The following ECE2 variants were observed in gnomAD, a reference collection of about 807,000 sequenced individuals.
ECE2 encodes endothelin converting enzyme 2.
Under a neutral mutation model 100.6 loss-of-function variants are expected in ECE2, and 81 were observed. That is an observed-to-expected ratio of 0.81 (90% confidence interval 0.67 to 0.97). The LOEUF (loss-of-function observed/expected upper bound fraction) is 0.97. Among genes scored for constraint, ECE2 ranks in the 50% least tolerant of loss-of-function variants. The pLI is 0.00. For missense variants in ECE2, 911 were observed against 988.1 expected (o/e 0.92, Z 1.05); for synonymous variants, 391 against 391.5 (o/e 1.00, Z 0.02).
intron 10 of ECE2, among the ~76,000 whole-genome samples, chr3:184,286,734 T>A (rs1186308872): frequency 4.1e-5 from 6 of 147,562 alleles, no homozygotes; most frequent in Non-Finnish European, 1.5e-5. Flanking sequence ...AACCTGGAGG[T>A]TGCAGTGACC....
chr3:184,282,325 A>C (rs980176307), intron 7 of ECE2, among the ~76,000 whole-genome samples: 5 of 152,146 alleles, frequency 3.3e-5, no homozygotes, highest in African/African-American at 1.2e-4. Flanking sequence ...AGGAATTTGA[A>C]ATACACAGAA....
chr3:184,276,102 G>A lies in ECE2; in HGVS notation c.-52G>A. 7.9e-7 allele frequency: 1 copy of A among 1,272,240 alleles called. No homozygotes were observed. The highest frequency in any genetic ancestry group is 2.8e-5 in the South Asian group (1 of 35,278). The allele number at this position is 1,272,240 out of a possible 1,614,324, so 78.8% of individuals were successfully genotyped here. The stretch of plus-strand genomic sequence containing the variant: ...GGCAGGGGACCGGGGCCGCGGCCCG[G>A]GAGCGGGCCAGCTGCCGGGAGCCCT... On this transcript the variant is annotated 5_prime_UTR_variant, in exon 1 of 19. Transcript: ENST00000404464.
chr3:184,288,515 T>C, intron 11 of ECE2, among the ~76,000 whole-genome samples: 1 of 151,550 alleles, frequency 6.6e-6, no homozygotes, highest in African/African-American at 2.4e-5. Flanking sequence ...CCTGTAAGGA[T>C]GTTTATGGTT....
At chr3:184,284,099 C>T in intron 8 of ECE2, 126 bp downstream of exon 8, 1 of 1,201,344 alleles carries the variant, frequency 8.3e-7, no homozygotes, top group African/African-American at 1.5e-5. Flanking sequence ...TTTCTGTGCT[C>T]CCCAGCTGCA....
In ECE2 at chr3:184,276,152, C is replaced by T; in HGVS notation, c.-2C>T. On this transcript the variant is annotated 5_prime_UTR_variant, in exon 1 of 19. Coordinates refer to ENST00000404464, the MANE Select transcript of ECE2 (RefSeq NM_001100121.2). The stretch of plus-strand genomic sequence containing the variant: ...TGAATCACCGCCTGGCCCGACTCCA[C>T]CATGAACGTCGCGCTGCAGGAGCTG... 7.0e-7 allele frequency: 1 copy of T among 1,428,380 alleles called. No homozygotes were observed. The highest frequency in any genetic ancestry group is 9.1e-7 in the Non-Finnish European group (1 of 1,097,244). 88.5% of individuals were successfully genotyped at this position (1,428,380 alleles called of 1,614,324 possible).
rs1437878319 is a variant in ECE2, at chr3:184,290,570, C to T, written c.1669C>T (p.Pro557Ser). 2 of 1,614,056 alleles carry T rather than the reference C, an allele frequency of 1.2e-6. No homozygotes were observed. The highest frequency in any genetic ancestry group is 1.7e-6 in the Non-Finnish European group (2 of 1,180,030). Reference protein sequence around the residue: ...PPSRDQWSMTPQTVNAYYLPT... With the variant: ...PPSRDQWSMTSQTVNAYYLPT... ...TTCCTCCGCCAGGTGGAGCATGACC[C>T]CCCAGACAGTGAATGCCTACTACCT... Residue 557 changes from proline (P) to serine (S), a missense_variant, in exon 15 of 19, where the codon CCC becomes TCC. Physicochemically the swap from Pro to Ser is moderately conservative, Grantham distance 74. Coordinates refer to ENST00000404464, the MANE Select transcript of ECE2 (RefSeq NM_001100121.2).
chr3:184,283,637 C>A (rs991141383), intron 7 of ECE2, 148 bp from the exon 8 acceptor site: 2 of 580,964 alleles, frequency 3.4e-6, no homozygotes, highest in Admixed American at 3.2e-5. Flanking sequence ...TGGAGGTAAG[C>A]AGTGTGTCAG....
chr3:184,283,874 G>A lies in ECE2; in HGVS notation c.906G>A (p.Val302=). 2 of 1,614,030 alleles carry A rather than the reference G, an allele frequency of 1.2e-6. No individual in the cohort carries two copies. The highest frequency in any genetic ancestry group is 1.7e-6 in the Non-Finnish European group (2 of 1,180,018). ...CCACGAGGGAGCAGATGCAGCAGGT[G>A]CTGGAGTTGGAGATACAGCTGGCCA... The part of the protein sequence containing the change: ...PTSTREQMQQ[V]LELEIQLANI... The change falls in exon 8 of 19, where the codon GTG becomes GTA. Residue 302 remains valine, a synonymous_variant. Transcript: ENST00000404464.
chr3:184,291,044 C>G lies in ECE2; in HGVS notation c.1839C>G (p.Arg613=), dbSNP rs200245984. ...GCAAAGGTGAGTTCTCCTCAGGGCG[C>G]GAGTATGACAAAGAAGGGAACCTGC... ...ELTHAFDDQG[R]EYDKEGNLRP... The change falls in exon 17 of 19, where the codon CGC becomes CGG. Residue 613 remains arginine (R), a synonymous_variant. Transcript: ENST00000404464. This position sits in a 1 kb window ranked among gnomAD's most constrained non-coding sequence, Gnocchi z 4.1. 292 of 1,565,870 alleles carry G rather than the reference C, an allele frequency of 1.9e-4. 3 individuals are homozygous for G. The South Asian group carries it at 2.7e-3, about 14-fold the overall frequency.
chr3:184,290,209 C>G (rs753630980), intron 13 of ECE2, 46 bp from the exon 14 acceptor site: 4 of 1,513,222 alleles, frequency 2.6e-6, no homozygotes, highest in Non-Finnish European at 3.6e-6. Context: ...ATTATCTTCT[C>G]CAATGGATTC....
At chr3:184,290,381 A>C (rs775867145) in intron 14 of ECE2, 23 bp downstream of exon 14, 1 of 1,608,928 alleles carries the variant, frequency 6.2e-7, no homozygotes, top group South Asian at 1.1e-5. Flanking sequence ...GGGTGGACAT[A>C]GACACTAGGG....
intron 10 of ECE2, among the ~76,000 whole-genome samples, chr3:184,285,890 A>G (rs1577142205): frequency 1.3e-5 from 2 of 152,342 alleles, no homozygotes; most frequent in Admixed American, 1.3e-4. Context: ...CCTGCACAGT[A>G]CATGGTATGT....
Position 184,292,362 on chromosome 3 carries a change from C to G in ECE2, c.*124C>G, listed in dbSNP as rs372418356. 190 of 1,131,964 alleles carry G rather than the reference C, an allele frequency of 1.7e-4. 1 individual carries two copies. The East Asian group carries it at 2.5e-3, about 15-fold the overall frequency. The allele number at this position is 1,131,964 out of a possible 1,614,324, so 70.1% of individuals were successfully genotyped here. On this transcript the variant is annotated 3_prime_UTR_variant, in exon 19 of 19. Transcript: ENST00000404464. ...TGGGCTGGGTCTAGTCCCTCCCCCC[C>G]ACAGGTGACATGAGTACAGACCCTC... is the stretch of plus-strand genomic sequence containing the variant.
At chr3:184,283,700 A>T (rs1228910548) in intron 7 of ECE2, 85 bp from the exon 8 acceptor site, 29 of 1,394,114 alleles carry the variant, frequency 2.1e-5, no homozygotes, top group African/African-American at 7.2e-5. Flanking sequence ...CAGAAGAGAT[A>T]TTGGGCAGAG....
At chr3:184,284,781 G>T (rs1177599784) in intron 8 of ECE2, among the ~76,000 whole-genome samples, 182 bp from the exon 9 acceptor site, 1 of 152,152 alleles carries the variant, frequency 6.6e-6, no homozygotes, top group East Asian at 1.9e-4. Context: ...ATAATAAGTG[G>T]TTGGGCTCCC....
rs749854216 is a variant in ECE2 at position 184,292,197 on chromosome 3, G to A, written c.2257G>A (p.Gly753Ser). The A allele has an allele frequency of 1.2e-5, 20 of 1,614,112 alleles. No individual in the cohort carries two copies. The highest frequency in any genetic ancestry group is 1.5e-5 in the Non-Finnish European group (18 of 1,180,018). The change falls in exon 19 of 19, where the codon GGC (glycine) becomes AGC (serine). Residue 753 changes from glycine to serine, a missense_variant. Coordinates refer to ENST00000404464, the MANE Select transcript of ECE2 (RefSeq NM_001100121.2). Reference protein sequence around the residue: ...DFLRHFGCPVGSPMNPGQLCE... With the variant: ...DFLRHFGCPVSSPMNPGQLCE... ...CCTGCGGCACTTCGGCTGCCCTGTC[G>A]GCTCCCCCATGAACCCAGGGCAGCT...
rs374777657 is a variant in ECE2 at position 184,277,400 on chromosome 3, C to T, written c.412C>T (p.Arg138Cys). The T allele has an allele frequency of 3.1e-6, 5 of 1,614,134 alleles. No individual in the cohort carries two copies. Among genetic ancestry groups the T allele is most frequent in the Non-Finnish European group, 4.2e-6 (5 of 1,180,048 alleles). Residue 138 changes from arginine (R) to cysteine (C), a missense_variant, in exon 4 of 19, where the codon CGT becomes TGT. By Grantham distance (180) the Arg-to-Cys change is radical (BLOSUM62 -3). Transcript: ENST00000404464. The part of the protein sequence containing the change: ...WIRRNPLPDG[R>C]SRWNTFNSLW... Reference sequence around the variant, plus strand: ...TCGGAGGAACCCCCTGCCCGATGGGCGTTCTCGCTGGAACACCTTCAACAG... The same window carrying T: ...TCGGAGGAACCCCCTGCCCGATGGGTGTTCTCGCTGGAACACCTTCAACAG...
In ECE2 at chr3:184,276,079, C is replaced by T; in HGVS notation, c.-75C>T. The T allele has an allele frequency of 5.7e-6, 7 of 1,230,186 alleles. No individual in the cohort carries two copies. Among genetic ancestry groups the T allele is most frequent in the African/African-American group, 1.6e-5 (1 of 63,704 alleles). The allele number at this position is 1,230,186 out of a possible 1,614,324, so 76.2% of individuals were successfully genotyped here. A position where few individuals can be genotyped will look rare whatever the true frequency, so the allele number is the denominator to read the frequency against. On this transcript the variant is annotated 5_prime_UTR_variant, in exon 1 of 19. The change creates a premature stop within an existing upstream ORF in the 5' untranslated region. Coordinates refer to ENST00000404464, the MANE Select transcript of ECE2 (RefSeq NM_001100121.2). The stretch of plus-strand genomic sequence containing the variant: ...GATGGCTGGTGACGGCGGGGCCGGG[C>T]AGGGGACCGGGGCCGCGGCCCGGGA...
intron 8 of ECE2, among the ~76,000 whole-genome samples, chr3:184,284,409 G>T (rs1487017967): frequency 6.6e-6 from 1 of 152,122 alleles, no homozygotes; most frequent in Admixed American, 6.6e-5. Context: ...GGGTGTGGTG[G>T]CACATGCCTG....
Sources: gnomAD v4.1 joint callset for allele counts (sites outside exome capture counted in the v4.1 genomes callset) on GRCh38, gnomAD v4.1.1 for gene constraint, Gnocchi (gnomAD v3.1) non-coding constraint, MANE v1.5 for transcripts, NCBI Gene and HGNC (gene_info 2026-07-23, HGNC 2026-07-21) for gene names.